Variants in PIBF1 observed in about 807,000 individuals in gnomAD.
PIBF1 encodes progesterone immunomodulatory binding factor 1.
PIBF1 carries 90 observed loss-of-function variants against 112.5 expected under a neutral mutation model. The observed-to-expected ratio is 0.80, with a 90% CI of 0.67 to 0.95. The LOEUF is 0.95. PIBF1 is among the 40% of genes least tolerant of loss of function. PIBF1 has a pLI of 0.00. For synonymous variants in PIBF1, 301 were observed against 288.6 expected, an observed-to-expected ratio of 1.04 and a Z score of -0.44; for missense variants, 915 against 852.3, an observed-to-expected ratio of 1.07 and a Z score of -0.92.
chr13:72,904,472 G>C (rs1262350192), intron 11 of PIBF1, among the ~76,000 whole-genome samples: 1 of 42,700 alleles, frequency 2.3e-5, no homozygotes, highest in African/African-American at 1.0e-4. Flanking sequence ...GAGGAGTCCT[G>C]CTCTGTCACC....
At chr13:72,838,826 A>G (rs2037472231) in intron 9 of PIBF1, among the ~76,000 whole-genome samples, 2 of 152,200 alleles carry the variant, frequency 1.3e-5, no homozygotes, top group Admixed American at 6.5e-5. Flanking sequence ...CATTAACACT[A>G]TGAACTAAGG....
chr13:72,873,602 A>G (rs998391039), intron 10 of PIBF1, among the ~76,000 whole-genome samples: 12 of 152,024 alleles, frequency 7.9e-5, no homozygotes, highest in Admixed American at 2.0e-4. Flanking sequence ...AGGTTTCACC[A>G]TGTTGGTCAG....
chr13:72,847,038 A>G (rs2037907353), intron 9 of PIBF1, among the ~76,000 whole-genome samples: 1 of 152,232 alleles, frequency 6.6e-6, no homozygotes, highest in African/African-American at 2.4e-5. Context: ...GTTTGAAGAT[A>G]TATAGTAGTT....
intron 10 of PIBF1, among the ~76,000 whole-genome samples, chr13:72,871,192 A>G (rs1049508844): frequency 1.3e-5 from 2 of 152,128 alleles, no homozygotes; most frequent in Non-Finnish European, 2.9e-5. Flanking sequence ...CTCTATTGCC[A>G]TCCTCCATCC....
rs2040159189 is a variant in PIBF1 at position 72,893,961 on chromosome 13, A to G, written c.1488+12A>G. On this transcript the variant is annotated intron_variant, in intron 11 of 17. Coordinates refer to ENST00000326291, the MANE Select transcript of PIBF1 (RefSeq NM_006346.4). Reference sequence around the variant, plus strand: ...AGAAAAAATTGGAGGTACATGTACAAGCTTTTCTTTCAACATTAGCATGGC... The same window carrying G: ...AGAAAAAATTGGAGGTACATGTACAGGCTTTTCTTTCAACATTAGCATGGC... 1 of 1,500,714 alleles carries G rather than the reference A, an allele frequency of 6.7e-7. No homozygotes were observed. 93.0% of individuals were successfully genotyped at this position (1,500,714 alleles called of 1,614,324 possible).
At chr13:72,823,013 T>G (rs948104467) in intron 6 of PIBF1, among the ~76,000 whole-genome samples, 1 of 152,158 alleles carries the variant, frequency 6.6e-6, no homozygotes, top group Non-Finnish European at 1.5e-5. Context: ...GAGGACTGCT[T>G]AAGCCCAGGA....
intron 14 of PIBF1, among the ~76,000 whole-genome samples, chr13:72,959,388 G>A (rs189755740): frequency 2.6e-4 from 39 of 152,172 alleles, no homozygotes; most frequent in Non-Finnish European, 4.7e-4. Flanking sequence ...CCTCAAGCAG[G>A]CCTTTTTCAT....
chr13:72,959,461 C>G (rs1324111204), intron 14 of PIBF1, among the ~76,000 whole-genome samples: 1 of 152,176 alleles, frequency 6.6e-6, no homozygotes, highest in African/African-American at 2.4e-5. Context: ...ACTACCACCA[C>G]TGCTAGAAAG....
At chr13:72,974,238 C>T (rs1455294505) in intron 16 of PIBF1, 1 of 152,196 alleles carries the variant, frequency 6.6e-6, no homozygotes, top group African/African-American at 2.4e-5. Context: ...ATAAAATTAA[C>T]CTTTTTTAGC....
chr13:72,835,286 C>G lies in PIBF1; in HGVS notation c.1141C>G (p.Leu381Val), dbSNP rs374573309. Residue 381 changes from leucine (L) to valine (V), a missense_variant, in exon 9 of 18, where the codon CTA becomes GTA. Leu to Val is a conservative substitution (Grantham distance 32). Transcript: ENST00000326291. ...TEYENKLHDELEQIRLKTNQE... is the reference protein window; with the variant it reads ...TEYENKLHDEVEQIRLKTNQE... ...ATATGAAAATAAACTACATGATGAA[C>G]TAGAACAAATCAGATTGAAAACCAA... The G allele has an allele frequency of 6.3e-7, 1 of 1,591,528 alleles. No individual in the cohort carries two copies. The highest frequency in any genetic ancestry group is 1.1e-5 in the South Asian group (1 of 87,458).
chr13:72,854,698 A>C (rs1037540609), intron 10 of PIBF1, among the ~76,000 whole-genome samples: 35 of 152,034 alleles, frequency 2.3e-4, no homozygotes, highest in African/African-American at 8.0e-4. Flanking sequence ...GTGTGTTTTT[A>C]TTTATCTTGG....
intron 11 of PIBF1, among the ~76,000 whole-genome samples, chr13:72,898,000 C>T (rs905629459): frequency 3.3e-5 from 5 of 152,094 alleles, no homozygotes; most frequent in Non-Finnish European, 7.4e-5. Flanking sequence ...CGAACAACTG[C>T]AGAATACACA....
chr13:72,935,720 C>CAT (rs1421808711), intron 14 of PIBF1, among the ~76,000 whole-genome samples: 1 of 152,006 alleles, frequency 6.6e-6, no homozygotes, highest in African/African-American at 2.4e-5. Flanking sequence ...GTTTTTTTAT[C>CAT]CACTATAATG....
At chr13:72,886,418 T>C (rs1295007080) in intron 10 of PIBF1, among the ~76,000 whole-genome samples, 1 of 151,916 alleles carries the variant, frequency 6.6e-6, no homozygotes, top group Non-Finnish European at 1.5e-5. Flanking sequence ...TCAGACCTAG[T>C]GTTATAAAGT....
At chr13:72,801,274 A>G (rs2035458284) in intron 5 of PIBF1, among the ~76,000 whole-genome samples, 1 of 151,768 alleles carries the variant, frequency 6.6e-6, no homozygotes, top group Non-Finnish European at 1.5e-5. Flanking sequence ...GTGTAGGTTT[A>G]TTTACACATA....
intron 10 of PIBF1, among the ~76,000 whole-genome samples, chr13:72,892,802 ACACACACG>A (rs1359087191): frequency 2.7e-5 from 4 of 150,930 alleles, no homozygotes; most frequent in Non-Finnish European, 4.4e-5. Flanking sequence ...ACACACACAC[ACACACACG>A]CACACGCACA....
intron 9 of PIBF1, among the ~76,000 whole-genome samples, chr13:72,841,644 C>T (rs900131721): frequency 6.6e-6 from 1 of 152,040 alleles, no homozygotes; most frequent in South Asian, 2.1e-4. Flanking sequence ...CGTGGTGGCA[C>T]AGGCCTGTAG....
rs2035280925 is a variant in PIBF1 at position 72,798,022 on chromosome 13, CAG to C, written c.671_672del (p.Glu224AspfsTer3). ...AACAAAAACCAACTGAAGCAGCTGA[CAG>C]AGGTTTGTATGGTTTTGATTGCTGG... On this transcript the variant is annotated frameshift_variant and splice_region_variant, in exon 5 of 18. Coordinates refer to ENST00000326291, the MANE Select transcript of PIBF1 (RefSeq NM_006346.4). LOFTEE classifies it high-confidence loss of function. 1.9e-6 allele frequency: 3 copies of C among 1,599,112 alleles called. No homozygotes were observed. Among genetic ancestry groups the C allele is most frequent in the Non-Finnish European group, 1.7e-6 (2 of 1,174,902 alleles).
chr13:72,838,987 G>A (rs915903930), intron 9 of PIBF1, among the ~76,000 whole-genome samples: 4 of 152,188 alleles, frequency 2.6e-5, no homozygotes, highest in Admixed American at 2.6e-4. Flanking sequence ...TGAAACAGAA[G>A]CAGGAAATGG....
Sources: allele counts gnomAD v4.1 joint callset (sites outside exome capture counted in the v4.1 genomes callset), GRCh38; gene constraint gnomAD v4.1.1; transcripts MANE v1.5; gene names NCBI Gene and HGNC (gene_info 2026-07-23, HGNC 2026-07-21).